Variants in RYR3 observed in about 807,000 individuals in gnomAD.
RYR3 encodes the protein ryanodine receptor 3, also known as brain ryanodine receptor-calcium release channel.
A neutral mutation model predicts 584.3 loss-of-function variants in RYR3; 207 were observed. The ratio of observed to expected loss-of-function variants is 0.35; its 90% CI spans 0.32 to 0.40. The LOEUF (loss-of-function observed/expected upper bound fraction) is 0.40. Among genes scored for constraint, RYR3 ranks in the 10% least tolerant of loss-of-function variants. The probability of loss-of-function intolerance (pLI) is 1.00; values close to 1 mark genes in which losing one functional copy is unlikely to be tolerated. For synonymous variants in RYR3, 2,416 were observed against 2,248.5 expected, an observed-to-expected ratio of 1.07 and a Z score of -2.11; for missense variants, 5,616 against 6,089.2, an observed-to-expected ratio of 0.92 and a Z score of 2.59.
chr15:33,554,325 C>T (rs543564568), intron 10 of RYR3, among the ~76,000 whole-genome samples: 15 of 129,870 alleles, frequency 1.2e-4, no homozygotes, highest in East Asian at 4.5e-4. Context: ...GGTGGAGTCT[C>T]GTTCTGTTGC....
chr15:33,668,207 C>G (rs1214334764), intron 36 of RYR3, among the ~76,000 whole-genome samples: 1 of 151,092 alleles, frequency 6.6e-6, no homozygotes, highest in African/African-American at 2.4e-5. Flanking sequence ...GTCCCAGCTA[C>G]TCGGGAGGCT....
At chr15:33,562,477 G>C (rs2057462259) in intron 10 of RYR3, among the ~76,000 whole-genome samples, 1 of 152,178 alleles carries the variant, frequency 6.6e-6, no homozygotes, top group Non-Finnish European at 1.5e-5. Flanking sequence ...CTGGAAATAA[G>C]TTAATTGGCT....
intron 16 of RYR3, 109 bp from the exon 17 acceptor site, chr15:33,601,310 G>T (rs139392479): frequency 2.6e-6 from 3 of 1,142,984 alleles, no homozygotes; most frequent in Non-Finnish European, 2.5e-6. Context: ...CTCTCTACCC[G>T]TCACCTAGCC....
chr15:33,809,587 C>T (rs995959373), intron 70 of RYR3, among the ~76,000 whole-genome samples: 1 of 150,170 alleles, frequency 6.7e-6, no homozygotes, highest in East Asian at 2.0e-4. Context: ...TGTGTCATAG[C>T]CCAGTGCATT....
At chr15:33,496,404 A>G (rs1371932033) in intron 2 of RYR3, among the ~76,000 whole-genome samples, 2 of 152,164 alleles carry the variant, frequency 1.3e-5, no homozygotes, top group Non-Finnish European at 2.9e-5. Context: ...CTCAGGTAGC[A>G]TGAATAGAGC....
At chr15:33,631,945 T>G (rs899578809) in intron 23 of RYR3, among the ~76,000 whole-genome samples, 2 of 152,150 alleles carry the variant, frequency 1.3e-5, no homozygotes, top group Admixed American at 6.5e-5. Context: ...CTCTTAAACT[T>G]CCAAGATCCA....
chr15:33,522,110 A>G (rs529608903), intron 3 of RYR3, among the ~76,000 whole-genome samples: 1 of 149,552 alleles, frequency 6.7e-6, no homozygotes, highest in African/African-American at 2.4e-5. Flanking sequence ...AAAAAAAAAA[A>G]AAACTAGCCA....
intron 38 of RYR3, among the ~76,000 whole-genome samples, chr15:33,690,146 A>C (rs1187422940): frequency 6.6e-6 from 1 of 152,236 alleles, no homozygotes; most frequent in Non-Finnish European, 1.5e-5. Context: ...CTGAAGGATC[A>C]GCTAATGTTG....
intron 2 of RYR3, among the ~76,000 whole-genome samples, chr15:33,480,053 C>T (rs2049817830): frequency 6.6e-6 from 1 of 152,098 alleles, no homozygotes; most frequent in African/African-American, 2.4e-5. Context: ...TAGAGGTACC[C>T]AGACATGGTA....
chr15:33,575,933 C>T (rs760901997), intron 12 of RYR3, among the ~76,000 whole-genome samples: 15 of 151,990 alleles, frequency 9.9e-5, no homozygotes, highest in Non-Finnish European at 1.9e-4. Flanking sequence ...GGGATATTAG[C>T]ATTGACCCCA....
chr15:33,351,036 G>A (rs1973175042), intron 1 of RYR3, among the ~76,000 whole-genome samples: 1 of 152,034 alleles, frequency 6.6e-6, no homozygotes, highest in African/African-American at 2.4e-5. Flanking sequence ...GAAAAAAAGA[G>A]AGAAGAATCA....
At chr15:33,649,851 A>G (rs1393483794) in intron 31 of RYR3, among the ~76,000 whole-genome samples, 1 of 152,212 alleles carries the variant, frequency 6.6e-6, no homozygotes, top group African/African-American at 2.4e-5. Context: ...GACTGAAGAG[A>G]CCATGGCTTG....
intron 32 of RYR3, among the ~76,000 whole-genome samples, chr15:33,658,936 T>C (rs2062983287): frequency 6.6e-6 from 1 of 151,978 alleles, no homozygotes; most frequent in Non-Finnish European, 1.5e-5. Context: ...CCGGGGAGAA[T>C]TAGGGCTTTG....
chr15:33,704,766 G>GCTC (rs2066568139), intron 42 of RYR3, among the ~76,000 whole-genome samples: 1 of 152,186 alleles, frequency 6.6e-6, no homozygotes, highest in Non-Finnish European at 1.5e-5. Flanking sequence ...CAAAGACATG[G>GCTC]AGCCTCCATT....
chr15:33,638,361 T>A (rs2061614633), intron 27 of RYR3, among the ~76,000 whole-genome samples: 1 of 152,128 alleles, frequency 6.6e-6, no homozygotes, highest in African/African-American at 2.4e-5. Flanking sequence ...GCCTAGGAGA[T>A]TCAGGCACAT....
At position 33,736,095 on chromosome 15, in the gene RYR3, C is replaced by T. The variant is rs867985033; in HGVS notation, c.7425-140C>T. The T allele has an allele frequency of 6.8e-6, 4 of 589,996 alleles. No individual in the cohort carries two copies. In the Middle Eastern group the frequency reaches 1.4e-3, roughly 212 times the overall value. The allele number at this position is 589,996 out of a possible 1,614,324, so 36.5% of individuals were successfully genotyped here. Reference sequence around the variant, plus strand: ...CTTTTCAAGTGTTTCATCATCTACTCTTGTTTATCCGAGATCTTGTGTATT... The same window carrying T: ...CTTTTCAAGTGTTTCATCATCTACTTTTGTTTATCCGAGATCTTGTGTATT... On this transcript the variant is annotated intron_variant, in intron 48 of 103. Transcript: ENST00000634891.
At chr15:33,314,611 T>C (rs1278535709) in intron 1 of RYR3, among the ~76,000 whole-genome samples, 1 of 152,208 alleles carries the variant, frequency 6.6e-6, no homozygotes, top group Non-Finnish European at 1.5e-5. Context: ...TCCACCACAA[T>C]GTTAATTGAA....
chr15:33,774,229 C>T (rs563563241), intron 64 of RYR3, among the ~76,000 whole-genome samples: 10 of 152,298 alleles, frequency 6.6e-5, no homozygotes, highest in African/African-American at 2.4e-4. Flanking sequence ...CATCAAATGC[C>T]TTGTGTTCTG....
chr15:33,516,138 A>G (rs1023640939), intron 3 of RYR3, among the ~76,000 whole-genome samples: 1 of 152,174 alleles, frequency 6.6e-6, no homozygotes, highest in African/African-American at 2.4e-5. Context: ...GTAATGTCCT[A>G]GTTGCTGTAT....
Sources: gnomAD v4.1 joint callset for allele counts (sites outside exome capture counted in the v4.1 genomes callset) on GRCh38, gnomAD v4.1.1 for gene constraint, MANE v1.5 for transcripts, NCBI Gene and HGNC (gene_info 2026-07-23, HGNC 2026-07-21) for gene names.